Variants in SPANXN1 observed in about 807,000 individuals in gnomAD.
SPANXN1 encodes the protein SPANX family member N1, also known as sperm protein associated with the nucleus on the X chromosome N1.
SPANXN1 carries 1 observed loss-of-function variant against 2.0 expected under a neutral mutation model. The observed-to-expected ratio is 0.50, with a 90% CI of 0.18 to 2.36. The LOEUF (loss-of-function observed/expected upper bound fraction) is 2.36, where lower values mean the gene tolerates loss of function less well. Ranked by LOEUF, SPANXN1 falls within the 30% of genes most tolerant of loss-of-function variation. SPANXN1 has a pLI of 0.26. For missense variants in SPANXN1, 55 were observed against 51.8 expected (o/e 1.06, Z -0.19); for synonymous variants, 27 against 21.3 (o/e 1.27, Z -0.74).
At chrX:145,250,405 G>A (rs151330443) in intron 1 of SPANXN1, among the ~76,000 whole-genome samples, 220 of 111,356 alleles carry the variant, frequency 2.0e-3, no homozygotes, top group African/African-American at 6.2e-3. Flanking sequence ...TCGTGTGTTG[G>A]AAAGGAGGTG....
intron 1 of SPANXN1, among the ~76,000 whole-genome samples, chrX:145,251,887 G>A (rs1556882549): frequency 9.0e-6 from 1 of 110,759 alleles, no homozygotes; most frequent in Admixed American, 9.6e-5. Context: ...GTGGGGAAGG[G>A]GCATGTCCCA....
intron 1 of SPANXN1, among the ~76,000 whole-genome samples, chrX:145,249,382 T>C (rs1391291174): frequency 1.8e-5 from 2 of 110,418 alleles, no homozygotes; most frequent in African/African-American, 6.6e-5. Flanking sequence ...TTTTGGAAGG[T>C]GCCCTAAAGT....
intron 1 of SPANXN1, among the ~76,000 whole-genome samples, chrX:145,249,610 A>G (rs1460855060): frequency 1.8e-5 from 2 of 110,846 alleles, no homozygotes; most frequent in Non-Finnish European, 3.8e-5. Context: ...TTGGGGGTGA[A>G]CAAATTTCTA....
chrX:145,251,594 G>A (rs1406748499), intron 1 of SPANXN1, among the ~76,000 whole-genome samples: 13 of 112,147 alleles, frequency 1.2e-4, no homozygotes, highest in South Asian at 3.8e-4. Flanking sequence ...GGCCTTGGTC[G>A]GAATGTACAT....
In SPANXN1 at chrX:145,248,769, T is replaced by C. The variant is rs782777342; in HGVS notation, c.75+1108T>C. ...TAGGAAATGTTGGTGGTGGAGGAGG[T>C]GAAGGCTGCTTGGTTTTGGAGAGAG... is the stretch of plus-strand genomic sequence containing the variant. On this transcript the variant is annotated intron_variant, in intron 1 of 1. Transcript: ENST00000370493. Among the ~76,000 whole-genome samples the C allele has an allele frequency of 9.0e-5, 10 of 110,969 alleles. No individual in the cohort carries two copies. The South Asian group carries it at 3.9e-3, about 43-fold the overall frequency.
chrX:145,251,298 G>T (rs2070784767), intron 1 of SPANXN1, among the ~76,000 whole-genome samples: 1 of 111,937 alleles, frequency 8.9e-6, no homozygotes, highest in Non-Finnish European at 1.9e-5. Flanking sequence ...TCTCTGGAAG[G>T]TGATTAGAGG....
chrX:145,247,542 A>G lies in SPANXN1; in HGVS notation c.-45A>G. Reference sequence around the variant, plus strand: ...CTTCAATACAGCTGTGCAAGTCTGGAGTCTACAAGAGCCTACTATAGACAT... The same window carrying G: ...CTTCAATACAGCTGTGCAAGTCTGGGGTCTACAAGAGCCTACTATAGACAT... On this transcript the variant is annotated 5_prime_UTR_variant, in exon 1 of 2. Transcript: ENST00000370493. 2 of 1,148,123 alleles carry G rather than the reference A, an allele frequency of 1.7e-6. No homozygotes were observed. The highest frequency in any genetic ancestry group is 2.4e-6 in the Non-Finnish European group (2 of 838,438). The allele number at this position is 1,148,123 out of a possible 1,213,427, so 94.6% of individuals were successfully genotyped here.
intron 1 of SPANXN1, among the ~76,000 whole-genome samples, chrX:145,251,581 C>T (rs1378127873): frequency 4.5e-5 from 5 of 111,934 alleles, no homozygotes; most frequent in Non-Finnish European, 7.5e-5. Context: ...AGTCCAAGGA[C>T]AAGGCCTTGG....
chrX:145,247,675 G>A lies in SPANXN1; in HGVS notation c.75+14G>A. On this transcript the variant is annotated intron_variant, in intron 1 of 1. Coordinates refer to ENST00000370493, the MANE Select transcript of SPANXN1 (RefSeq NM_001009614.3). ...GAAAATGATGAGGTAAGATTGTTAGGTTTTGAAGGGAAGGTGAGGGTGAAA... is the reference window on the plus strand; with the variant it reads ...GAAAATGATGAGGTAAGATTGTTAGATTTTGAAGGGAAGGTGAGGGTGAAA... 5 of 1,196,564 alleles carry A rather than the reference G, an allele frequency of 4.2e-6. No individual in the cohort carries two copies. The highest frequency in any genetic ancestry group is 5.7e-6 in the Non-Finnish European group (5 of 882,051).
Position 145,255,539 on chromosome X carries a change from A to C in SPANXN1, c.76-132A>C, listed in dbSNP as rs111807226. On this transcript the variant is annotated intron_variant, in intron 1 of 1. Transcript: ENST00000370493. The stretch of plus-strand genomic sequence containing the variant: ...CCCATAGATCCCTACCCTATGATTC[A>C]ACCTTGTTCTTCTCTGGCACACACC... The C allele has an allele frequency of 8.9e-3, 8,767 of 982,324 alleles. 43 individuals are homozygous for C. The highest frequency in any genetic ancestry group is 0.02 in the African/African-American group (1,010 of 49,890). 81.0% of individuals were successfully genotyped at this position (982,324 alleles called of 1,213,427 possible).
At chrX:145,252,002 T>C (rs1346398612) in intron 1 of SPANXN1, among the ~76,000 whole-genome samples, 1 of 111,224 alleles carries the variant, frequency 9.0e-6, no homozygotes, top group East Asian at 2.8e-4. Flanking sequence ...ATCTCCTCGA[T>C]TATGGAAGCA....
chrX:145,247,598 C>T lies in SPANXN1; in HGVS notation c.12C>T (p.Pro4=). Residue 4 remains proline, a synonymous_variant, in exon 1 of 2, where the codon CCC becomes CCT. Transcript: ENST00000370493. MEQ[P]TSSINGEKRK... ...AACCAACCAGAATCATGGAACAGCC[C>T]ACTTCAAGCATCAATGGGGAGAAGA... The T allele has an allele frequency of 8.3e-7, 1 of 1,210,330 alleles. No individual in the cohort carries two copies. Among genetic ancestry groups the T allele is most frequent in the East Asian group, 3.0e-5 (1 of 33,790 alleles).
Position 145,247,566 on chromosome X carries a change from A to T in SPANXN1, c.-21A>T, listed in dbSNP as rs1446453282. 4.4e-5 allele frequency: 53 copies of T among 1,202,019 alleles called. No individual in the cohort carries two copies. The highest frequency in any genetic ancestry group is 5.2e-5 in the Non-Finnish European group (46 of 888,607). ...GAGTCTACAAGAGCCTACTATAGAC[A>T]TTCTACAACCAACCAGAATCATGGA... is the stretch of plus-strand genomic sequence containing the variant. On this transcript the variant is annotated 5_prime_UTR_variant, in exon 1 of 2. Coordinates refer to ENST00000370493, the MANE Select transcript of SPANXN1 (RefSeq NM_001009614.3).
At chrX:145,251,549 G>A (rs782671255) in intron 1 of SPANXN1, among the ~76,000 whole-genome samples, 13 of 111,773 alleles carry the variant, frequency 1.2e-4, no homozygotes, top group South Asian at 3.8e-4. Flanking sequence ...CTTCTGGGGC[G>A]TCGCCGTATG....
intron 1 of SPANXN1, among the ~76,000 whole-genome samples, chrX:145,252,463 A>T (rs1422408063): frequency 2.7e-5 from 3 of 110,755 alleles, no homozygotes; most frequent in African/African-American, 9.9e-5. Context: ...TGTTGTGGGG[A>T]GAGTTGACGG....
At chrX:145,254,514 C>A (rs1379770605) in intron 1 of SPANXN1, among the ~76,000 whole-genome samples, 2 of 111,968 alleles carry the variant, frequency 1.8e-5, no homozygotes, top group African/African-American at 6.5e-5. Context: ...CTTGATTCCG[C>A]CTGGAAGAAG....
intron 1 of SPANXN1, among the ~76,000 whole-genome samples, chrX:145,249,242 A>C (rs781887076): frequency 1.0e-4 from 11 of 108,167 alleles, no homozygotes; most frequent in Non-Finnish European, 1.5e-4. Flanking sequence ...GGGGAGTGTG[A>C]CTGATTTAAT....
At chrX:145,254,500 A>G (rs1346151739) in intron 1 of SPANXN1, among the ~76,000 whole-genome samples, 7 of 112,016 alleles carry the variant, frequency 6.2e-5, no homozygotes, top group Non-Finnish European at 1.3e-4. Flanking sequence ...GAGGAAAGTG[A>G]GTACTTGATT....
At position 145,247,547 on chromosome X, in the gene SPANXN1, A is replaced by T. The variant is rs1556881941; in HGVS notation, c.-40A>T. On this transcript the variant is annotated 5_prime_UTR_variant, in exon 1 of 2. Coordinates refer to ENST00000370493, the MANE Select transcript of SPANXN1 (RefSeq NM_001009614.3). ...ATACAGCTGTGCAAGTCTGGAGTCT[A>T]CAAGAGCCTACTATAGACATTCTAC... 8.5e-7 allele frequency: 1 copy of T among 1,171,153 alleles called. No individual in the cohort carries two copies. The highest frequency in any genetic ancestry group is 1.2e-6 in the Non-Finnish European group (1 of 860,907).
Sources: gnomAD v4.1 joint callset for allele counts (sites outside exome capture counted in the v4.1 genomes callset) on GRCh38, gnomAD v4.1.1 for gene constraint, MANE v1.5 for transcripts, NCBI Gene and HGNC (gene_info 2026-07-23, HGNC 2026-07-21) for gene names.